KCNIP1: variants seen among roughly 807,000 people sequenced by gnomAD.
KCNIP1 encodes A-type potassium channel modulatory protein KCNIP1.
KCNIP1 carries 18 observed loss-of-function variants against 33.0 expected under a neutral mutation model. The ratio of observed to expected loss-of-function variants is 0.55; its 90% CI spans 0.38 to 0.81. The LOEUF is 0.81. Among genes scored for constraint, KCNIP1 ranks in the 30% least tolerant of loss-of-function variants. The pLI is 0.00. For missense variants in KCNIP1, 238 were observed against 271.6 expected (o/e 0.88, Z 0.87); for synonymous variants, 93 against 98.3 (o/e 0.95, Z 0.32).
intron 1 of KCNIP1, among the ~76,000 whole-genome samples, chr5:170,468,443 A>G (rs1224740145): frequency 6.6e-6 from 1 of 152,242 alleles, no homozygotes; most frequent in Non-Finnish European, 1.5e-5. Flanking sequence ...TTCAAAGCTT[A>G]TGGAGGAACT....
At chr5:170,627,427 G>A (rs950367996) in intron 1 of KCNIP1, among the ~76,000 whole-genome samples, 2 of 152,198 alleles carry the variant, frequency 1.3e-5, no homozygotes, top group African/African-American at 2.4e-5. Flanking sequence ...GCCAATGCCG[G>A]GGCAAGAATG....
chr5:170,540,642 G>A (rs755050365), intron 1 of KCNIP1, among the ~76,000 whole-genome samples: 14 of 152,170 alleles, frequency 9.2e-5, no homozygotes, highest in African/African-American at 1.7e-4. Flanking sequence ...AGGATGCACT[G>A]TGGCCCATGT....
At chr5:170,471,717 C>T (rs941041021) in intron 1 of KCNIP1, among the ~76,000 whole-genome samples, 3 of 152,168 alleles carry the variant, frequency 2.0e-5, no homozygotes, top group African/African-American at 7.2e-5. Flanking sequence ...CCTGCCTCCT[C>T]CCTCTCTTCT....
chr5:170,406,971 G>C (rs1486891270), intron 1 of KCNIP1, among the ~76,000 whole-genome samples: 1 of 152,230 alleles, frequency 6.6e-6, no homozygotes, highest in Non-Finnish European at 1.5e-5. Flanking sequence ...CCATTCAGCA[G>C]CTTTCAAGAC....
In KCNIP1 at chr5:170,384,889, G is replaced by A. The variant is rs557343936; in HGVS notation, c.88+30925G>A. Among the ~76,000 whole-genome samples, 18 of 152,304 alleles carry A rather than the reference G, an allele frequency of 1.2e-4. No individual in the cohort carries two copies. The East Asian group carries it at 1.5e-3, about 13-fold the overall frequency. The stretch of plus-strand genomic sequence containing the variant: ...TGTTCAGTGAGGCAAGGAGCTCCCC[G>A]TCTCTTGAGGTATTCATCAGGAGGC... On this transcript the variant is annotated intron_variant, in intron 1 of 7. Coordinates refer to the KCNIP1 transcript ENST00000377360.
At chr5:170,508,233 C>A (rs377546352) in intron 1 of KCNIP1, among the ~76,000 whole-genome samples, 2 of 152,190 alleles carry the variant, frequency 1.3e-5, no homozygotes, top group South Asian at 4.1e-4. Flanking sequence ...GGCTGAGCTT[C>A]GGATCTCCAG....
chr5:170,610,278 G>T (rs1381674875), intron 1 of KCNIP1, among the ~76,000 whole-genome samples: 1 of 152,126 alleles, frequency 6.6e-6, no homozygotes, highest in East Asian at 1.9e-4. Flanking sequence ...CATTGATATC[G>T]CAGAGAAATT....
At chr5:170,444,690 T>C (rs1297869476) in intron 1 of KCNIP1, among the ~76,000 whole-genome samples, 6 of 142,928 alleles carry the variant, frequency 4.2e-5, no homozygotes, top group Admixed American at 4.1e-4. Context: ...ATTATATTTT[T>C]TCTTTTTTTA....
chr5:170,491,642 G>C (rs1352340480), intron 1 of KCNIP1, among the ~76,000 whole-genome samples: 1 of 152,198 alleles, frequency 6.6e-6, no homozygotes, highest in African/African-American at 2.4e-5. Context: ...TTAGTAAAGG[G>C]GAAGAAGGAA....
chr5:170,710,056 C>T (rs576906862), intron 1 of KCNIP1, among the ~76,000 whole-genome samples: 5 of 152,090 alleles, frequency 3.3e-5, no homozygotes, highest in African/African-American at 7.2e-5. Context: ...TTAGTAGAGA[C>T]GGGATTTCCC....
chr5:170,509,870 C>A (rs72832720), intron 1 of KCNIP1, among the ~76,000 whole-genome samples: 41,420 of 152,116 alleles, frequency 0.27, 5,806 homozygotes, highest in East Asian at 0.4. Context: ...AGTTTTCACT[C>A]TTTTGCTGAA....
chr5:170,421,696 T>C (rs1406115936), intron 1 of KCNIP1, among the ~76,000 whole-genome samples: 1 of 152,198 alleles, frequency 6.6e-6, no homozygotes, highest in Non-Finnish European at 1.5e-5. Flanking sequence ...AACACCATCA[T>C]CTTCATGATT....
chr5:170,514,561 A>G (rs1420139985), intron 1 of KCNIP1, among the ~76,000 whole-genome samples: 1 of 152,228 alleles, frequency 6.6e-6, no homozygotes, highest in African/African-American at 2.4e-5. Flanking sequence ...AGGGCTACAC[A>G]GGCATTTCAA....
At chr5:170,582,283 G>A (rs761584080) in intron 1 of KCNIP1, among the ~76,000 whole-genome samples, 10 of 152,172 alleles carry the variant, frequency 6.6e-5, no homozygotes, top group Non-Finnish European at 1.3e-4. Context: ...CAGGTTGGCA[G>A]GTGGCTCCAC....
intron 1 of KCNIP1, among the ~76,000 whole-genome samples, chr5:170,704,083 T>C (rs1763181996): frequency 7.3e-6 from 1 of 136,772 alleles, no homozygotes; most frequent in Non-Finnish European, 1.5e-5. Flanking sequence ...CCAGAGGAGA[T>C]GGCACTTACG....
At chr5:170,732,960 C>G in intron 6 of KCNIP1, 56 bp downstream of exon 6, 7 of 1,045,314 alleles carry the variant, frequency 6.7e-6, no homozygotes, top group Non-Finnish European at 1.1e-5. Flanking sequence ...CAAGTCAACC[C>G]ACGAGCATCT....
chr5:170,651,188 AG>A (rs1356639770), intron 1 of KCNIP1, among the ~76,000 whole-genome samples: 2 of 152,206 alleles, frequency 1.3e-5, no homozygotes, highest in African/African-American at 4.8e-5. Context: ...TCTAACAGTC[AG>A]GGCTCCCAGA....
intron 1 of KCNIP1, among the ~76,000 whole-genome samples, chr5:170,491,347 A>G (rs1757202610): frequency 6.6e-6 from 1 of 152,202 alleles, no homozygotes; most frequent in African/African-American, 2.4e-5. Flanking sequence ...AAGGTTACCT[A>G]GTGCAGACTT....
In KCNIP1 at chr5:170,388,965, C is replaced by G. The variant is rs373772130; in HGVS notation, c.88+35001C>G. Among the ~76,000 whole-genome samples, 14 of 152,208 alleles carry G rather than the reference C, an allele frequency of 9.2e-5. 1 individual carries two copies. Among genetic ancestry groups the G allele is most frequent in the Admixed American group, 8.5e-4 (13 of 15,274 alleles). On this transcript the variant is annotated intron_variant, in intron 1 of 7. Coordinates refer to the KCNIP1 transcript ENST00000377360. ...AATCTATTTTTGTCCCACCTCTCTA[C>G]CGGTGACAAGTGCCAGCATTGGTGT...
Sources: allele counts gnomAD v4.1 joint callset (sites outside exome capture counted in the v4.1 genomes callset), GRCh38; gene constraint gnomAD v4.1.1; transcripts MANE v1.5; gene names NCBI Gene and HGNC (gene_info 2026-07-23, HGNC 2026-07-21).